Variants in RBFOX1 observed in about 807,000 individuals in gnomAD.
The protein encoded by RBFOX1 is RNA binding protein fox-1 homolog 1.
In RBFOX1, 8 loss-of-function variants were observed where a neutral mutation model predicts 57.7. The observed-to-expected ratio is 0.14, with a 90% CI of 0.08 to 0.25. The LOEUF (loss-of-function observed/expected upper bound fraction) is 0.25, where lower values mean the gene tolerates loss of function less well. Among genes scored for constraint, RBFOX1 ranks in the 10% least tolerant of loss-of-function variants. The probability of loss-of-function intolerance (pLI) is 1.00; values close to 1 mark genes in which losing one functional copy is unlikely to be tolerated. For missense variants in RBFOX1, 611 were observed against 548.5 expected, an observed-to-expected ratio of 1.11 and a Z score of -1.14; for synonymous variants, 326 against 222.4, an observed-to-expected ratio of 1.47 and a Z score of -4.15.
At chr16:6,123,957 C>G (rs1029147824) in intron 1 of RBFOX1, among the ~76,000 whole-genome samples, 20 of 152,204 alleles carry the variant, frequency 1.3e-4, no homozygotes, top group Admixed American at 1.3e-3. Context: ...GAAAAAAATA[C>G]AAGGAGAAAA....
intron 2 of RBFOX1, among the ~76,000 whole-genome samples, chr16:5,501,318 C>CAAAAAAAAAAAAAAAAAAAAA (rs1160788118): frequency 1.2e-4 from 8 of 64,878 alleles, no homozygotes; most frequent in African/African-American, 1.9e-4. Context: ...ACTCTGTCTA[C>CAAAAAAAAAAAAAAAAAAAAA]AAAAAAAAAA....
At chr16:6,910,363 C>T (rs2071245990) in intron 3 of RBFOX1, among the ~76,000 whole-genome samples, 1 of 152,184 alleles carries the variant, frequency 6.6e-6, no homozygotes, top group Non-Finnish European at 1.5e-5. Flanking sequence ...CACCCATCTT[C>T]CTATTTCCCT....
chr16:5,635,651 TC>T (rs34303029), intron 3 of RBFOX1, among the ~76,000 whole-genome samples: 53,723 of 152,128 alleles, frequency 0.35, 12,895 homozygotes, highest in African/African-American at 0.68. Flanking sequence ...AATTTGCATT[TC>T]CCCCTCTCTA....
At position 5,343,781 on chromosome 16, in the gene RBFOX1, T is replaced by G. The variant is rs752172004; in HGVS notation, c.219+103676T>G. Among the ~76,000 whole-genome samples, 47 of 152,234 alleles carry G rather than the reference T, an allele frequency of 3.1e-4. 1 individual carries two copies. Among genetic ancestry groups the G allele is most frequent in the Non-Finnish European group, 1.0e-4 (7 of 68,034 alleles). On this transcript the variant is annotated intron_variant, in intron 1 of 2. Transcript: ENST00000585867. Reference sequence around the variant, plus strand: ...GAGGATTATTTAACTTAGAACTTTTTGAATAAGGCAAAAGGGTTATTTGAT... The same window carrying G: ...GAGGATTATTTAACTTAGAACTTTTGGAATAAGGCAAAAGGGTTATTTGAT...
intron 1 of RBFOX1, among the ~76,000 whole-genome samples, chr16:5,257,919 C>T (rs1292770960): frequency 6.6e-6 from 1 of 152,150 alleles, no homozygotes; most frequent in Non-Finnish European, 1.5e-5. Flanking sequence ...AACTCTGTCA[C>T]CCAGGCTGGA....
intron 1 of RBFOX1, among the ~76,000 whole-genome samples, chr16:6,109,187 C>T (rs982179595): frequency 1.1e-4 from 16 of 152,146 alleles, no homozygotes; most frequent in Admixed American, 1.0e-3. Flanking sequence ...TTTCTGTGAG[C>T]TCATTGCCCC....
rs149861504 is a variant in RBFOX1 at position 6,063,955 on chromosome 16, G to A, written c.-127+43963G>A. On this transcript the variant is annotated intron_variant, in intron 1 of 15. Coordinates refer to ENST00000550418, the MANE Select transcript of RBFOX1 (RefSeq NM_018723.4). ...AGCATAACACATATAATATTTCCAA[G>A]CATATTTAACCACATGATTATATCT... Among the ~76,000 whole-genome samples, 334 of 152,152 alleles carry A rather than the reference G, an allele frequency of 2.2e-3. 3 individuals are homozygous for A. The highest frequency in any genetic ancestry group is 1.4e-3 in the Non-Finnish European group (97 of 68,006).
chr16:6,129,997 G>A (rs2096618555), intron 1 of RBFOX1, among the ~76,000 whole-genome samples: 1 of 151,998 alleles, frequency 6.6e-6, no homozygotes, highest in South Asian at 2.1e-4. Flanking sequence ...GACAGTAGAG[G>A]GAATGTGTCA....
At chr16:7,083,053 T>G (rs753277632) in intron 4 of RBFOX1, among the ~76,000 whole-genome samples, 11 of 152,190 alleles carry the variant, frequency 7.2e-5, no homozygotes, top group Non-Finnish European at 1.3e-4. Context: ...TGGAAGGTTT[T>G]GGGAGTGACA....
intron 3 of RBFOX1, among the ~76,000 whole-genome samples, chr16:5,852,570 C>G (rs1040051576): frequency 1.3e-5 from 2 of 152,060 alleles, no homozygotes; most frequent in Non-Finnish European, 2.9e-5. Context: ...GGGCAAGGCA[C>G]GATTCTGCAG....
intron 4 of RBFOX1, among the ~76,000 whole-genome samples, chr16:5,900,355 G>A (rs529294392): frequency 2.0e-4 from 30 of 152,238 alleles, no homozygotes; most frequent in East Asian, 9.7e-4. Context: ...AGAGAATAGC[G>A]TGTGTTTTCC....
At chr16:5,627,484 C>G (rs992266818) in intron 3 of RBFOX1, among the ~76,000 whole-genome samples, 1 of 151,976 alleles carries the variant, frequency 6.6e-6, no homozygotes, top group African/African-American at 2.4e-5. Flanking sequence ...AATGCTATTG[C>G]TTTGAGTACA....
At chr16:6,048,946 G>T (rs1314448576) in intron 1 of RBFOX1, among the ~76,000 whole-genome samples, 1 of 151,992 alleles carries the variant, frequency 6.6e-6, no homozygotes, top group Non-Finnish European at 1.5e-5. Context: ...GACTCAGACT[G>T]GGGTTTCCCT....
At chr16:6,675,866 A>C (rs1259751108) in intron 3 of RBFOX1, among the ~76,000 whole-genome samples, 1 of 152,112 alleles carries the variant, frequency 6.6e-6, no homozygotes, top group Admixed American at 6.6e-5. Context: ...GCTACAGTTC[A>C]CGATGAGATT....
chr16:7,653,861 A>T lies in RBFOX1; in HGVS notation c.804A>T (p.Arg268=), dbSNP rs371567019. 11 of 1,605,444 alleles carry T rather than the reference A, an allele frequency of 6.9e-6. No homozygotes were observed. The highest frequency in any genetic ancestry group is 6.7e-5 in the East Asian group (3 of 44,820). ...YPAATAAAAY[R]GAHLRGRGRT... is the part of the protein sequence containing the mutation. ...CAGCCACCGCCGCGGCCGCCTACCG[A>T]GGGGCGCACCTGCGAGGCCGCGGTC... Residue 268 remains arginine, a synonymous_variant, in exon 12 of 16, where the codon CGA becomes CGT. Coordinates refer to ENST00000550418, the MANE Select transcript of RBFOX1 (RefSeq NM_018723.4).
At chr16:6,014,190 G>A (rs984353323), upstream of RBFOX1, among the ~76,000 whole-genome samples, 7 of 152,246 alleles carry the variant, frequency 4.6e-5, no homozygotes, top group African/African-American at 1.4e-4. Context: ...CAATCAAAGA[G>A]CTTATATAGT....
chr16:7,626,701 T>C (rs553492804), intron 10 of RBFOX1, among the ~76,000 whole-genome samples: 1 of 149,904 alleles, frequency 6.7e-6, no homozygotes, highest in African/African-American at 2.5e-5. Context: ...TATTTACATG[T>C]AGTGTGTAAA....
chr16:6,728,790 T>A (rs144523664), intron 3 of RBFOX1, among the ~76,000 whole-genome samples: 1 of 152,290 alleles, frequency 6.6e-6, no homozygotes, highest in Middle Eastern at 3.4e-3. Flanking sequence ...TAATTGTAGG[T>A]CATTATGTGA....
chr16:5,617,370 C>T (rs1377678996), intron 3 of RBFOX1, among the ~76,000 whole-genome samples: 2 of 152,174 alleles, frequency 1.3e-5, no homozygotes, highest in African/African-American at 2.4e-5. Flanking sequence ...TTTTCTGGCT[C>T]AGTCTTCTCT....
Sources: allele counts gnomAD v4.1 joint callset (sites outside exome capture counted in the v4.1 genomes callset), GRCh38; gene constraint gnomAD v4.1.1; transcripts MANE v1.5; gene names NCBI Gene and HGNC (gene_info 2026-07-23, HGNC 2026-07-21).